The following C22orf23 variants were observed in gnomAD, a reference collection of about 807,000 sequenced individuals.
C22orf23 encodes UPF0193 protein EVG1.
A neutral mutation model predicts 29.7 loss-of-function variants in C22orf23; 30 were observed. The ratio of observed to expected loss-of-function variants is 1.01; its 90% confidence interval spans 0.76 to 1.37. The LOEUF is 1.37. C22orf23 is among the 40% of genes most tolerant of loss of function. The pLI is 0.00. For missense variants in C22orf23, 237 were observed against 273.1 expected (o/e 0.87, Z 0.93); for synonymous variants, 90 against 96.1 (o/e 0.94, Z 0.37).
Position 37,945,136 on chromosome 22 carries a change from GAT to G in C22orf23, c.385_386del (p.Ile129LeufsTer25), listed in dbSNP as rs753374508. ...LEKEKQRLQN[I>X]FATGKDMEER... The stretch of plus-strand genomic sequence containing the variant: ...CCTCCATGTCCTTCCCTGTGGCAAA[GAT>G]ATTTTGGAGTCTTTGTTTCTCCTTC... On this transcript the variant is annotated frameshift_variant, in exon 5 of 7. Transcript: ENST00000403305. LOFTEE classifies it high-confidence loss of function. 1 of 1,613,668 alleles carries G rather than the reference GAT, an allele frequency of 6.2e-7. No homozygotes were observed. Among genetic ancestry groups the G allele is most frequent in the Non-Finnish European group, 8.5e-7 (1 of 1,179,876 alleles).
Position 37,947,479 on chromosome 22 carries a change from T to C in C22orf23, c.167-16A>G, listed in dbSNP as rs1239555034. ...GCATCTCCTCCTGGGGAACGAAGAG[T>C]TGGGGTGGGAGGACCCACATGGCTT... On this transcript the variant is annotated splice_polypyrimidine_tract_variant and intron_variant, in intron 3 of 6. Coordinates refer to ENST00000403305, the MANE Select transcript of C22orf23 (RefSeq NM_032561.5). 15 of 1,496,676 alleles carry C rather than the reference T, an allele frequency of 1.0e-5. No homozygotes were observed. The highest frequency in any genetic ancestry group is 1.3e-5 in the Non-Finnish European group (15 of 1,124,632). 92.7% of individuals were successfully genotyped at this position (1,496,676 alleles called of 1,614,324 possible).
chr22:37,943,525 G>A lies in C22orf23; in HGVS notation c.*650C>T, dbSNP rs1930518704. On this transcript the variant is annotated 3_prime_UTR_variant, in exon 7 of 7. Coordinates refer to ENST00000403305, the MANE Select transcript of C22orf23 (RefSeq NM_032561.5). ...GACTTAGTTTTCACAGAGGGATAAT[G>A]AACCGTTGCAGAGGTTTATTGAGAT... The A allele has an allele frequency of 6.5e-6, 1 of 152,844 alleles. No individual in the cohort carries two copies. Among genetic ancestry groups the A allele is most frequent in the African/African-American group, 2.4e-5 (1 of 41,418 alleles). 9.5% of individuals were successfully genotyped at this position (152,844 alleles called of 1,614,324 possible).
chr22:37,945,494 CTTTTTTTTTT>C (rs369277812), intron 4 of C22orf23, among the ~76,000 whole-genome samples: 7 of 129,104 alleles, frequency 5.4e-5, no homozygotes, highest in Non-Finnish European at 1.0e-4. Context: ...TTTTTTTCTT[CTTTTTTTTTT>C]TTTTTTTTGA....
At chr22:37,951,357 T>G in intron 3 of C22orf23, 103 bp downstream of exon 3, 1 of 1,069,846 alleles carries the variant, frequency 9.3e-7, no homozygotes. Flanking sequence ...CCGGCTGTCT[T>G]TGTTTTTTTT....
At chr22:37,946,420 C>T (rs984885434) in intron 4 of C22orf23, among the ~76,000 whole-genome samples, 12 of 151,298 alleles carry the variant, frequency 7.9e-5, no homozygotes, top group South Asian at 6.3e-4. Flanking sequence ...CGCGAGACTC[C>T]GTCTCAAAAA....
rs1930620565 is a variant in C22orf23 at position 37,945,125 on chromosome 22, C to T, written c.398G>A (p.Gly133Glu). 2 of 1,613,758 alleles carry T rather than the reference C, an allele frequency of 1.2e-6. No homozygotes were observed. The highest frequency in any genetic ancestry group is 8.5e-7 in the Non-Finnish European group (1 of 1,179,900). ...KQRLQNIFATGKDMEERKRKA... is the reference protein window; with the variant it reads ...KQRLQNIFATEKDMEERKRKA... ...TCTTTTCCGTTCCTCCATGTCCTTC[C>T]CTGTGGCAAAGATATTTTGGAGTCT... is the stretch of plus-strand genomic sequence containing the variant. The change falls in exon 5 of 7, where the codon GGG (glycine) becomes GAG (glutamate). Residue 133 changes from glycine (G) to glutamate (E), a missense_variant. Gly to Glu is a moderately conservative substitution (Grantham distance 98). Transcript: ENST00000403305.
In C22orf23 at chr22:37,945,063, CAG is replaced by C. The variant is rs530569931; in HGVS notation, c.458_459del (p.Pro153ArgfsTer6). On this transcript the variant is annotated frameshift_variant, in exon 5 of 7. Transcript: ENST00000403305. LOFTEE classifies it high-confidence loss of function. ...APPARQKAPAPELDRFEELVK... is the reference protein window; with the variant it reads ...APPARQKAPAXELDRFEELVK... ...TTACGCTCTTCAAATCGGTCTAGCT[CAG>C]GGGCTGGAGCCTTCTGTCGTGCAGG... 122 of 1,612,208 alleles carry C rather than the reference CAG, an allele frequency of 7.6e-5. No homozygotes were observed. Among genetic ancestry groups the C allele is most frequent in the Middle Eastern group, 1.6e-4 (1 of 6,066 alleles).
Position 37,944,240 on chromosome 22 carries a change from G to A in C22orf23, c.589C>T (p.Arg197Trp), listed in dbSNP as rs771311730. Residue 197 changes from arginine to tryptophan, a missense_variant, in exon 7 of 7, where the codon CGG becomes TGG. Physicochemically the swap from Arg to Trp is moderately radical, Grantham distance 101. Transcript: ENST00000403305. ...IILAEISQKL[R>W]EMEDIDHRRS... Reference sequence around the variant, plus strand: ...CTGTGGTCAATGTCTTCCATTTCCCGGAGTTTCTGCAAAGGGCATCAGGGA... The same window carrying A: ...CTGTGGTCAATGTCTTCCATTTCCCAGAGTTTCTGCAAAGGGCATCAGGGA... The A allele has an allele frequency of 8.7e-6, 14 of 1,614,086 alleles. No homozygotes were observed. The highest frequency in any genetic ancestry group is 4.0e-5 in the African/African-American group (3 of 74,926).
chr22:37,944,176 T>TA lies in C22orf23; in HGVS notation c.652dup (p.Ter218LeufsTer10). 1 of 1,613,974 alleles carries TA rather than the reference T, an allele frequency of 6.2e-7. No homozygotes were observed. Among genetic ancestry groups the TA allele is most frequent in the Non-Finnish European group, 8.5e-7 (1 of 1,179,808 alleles). ...ACCCTGCCCGTCTCTGGAGACAGAT[T>TA]AAGTGGTGGCAAGACCCTTCCTAAG... On this transcript the variant is annotated frameshift_variant and stop_lost, in exon 7 of 7. Transcript: ENST00000403305. LOFTEE classifies it high-confidence loss of function.
chr22:37,948,199 A>G (rs1930817153), intron 3 of C22orf23, among the ~76,000 whole-genome samples: 1 of 152,174 alleles, frequency 6.6e-6, no homozygotes, highest in Non-Finnish European at 1.5e-5. Flanking sequence ...TGTAATCCCA[A>G]CACTTTGGGA....
At chr22:37,951,775 T>G (rs962729149) in intron 2 of C22orf23, 2 of 248,108 alleles carry the variant, frequency 8.1e-6, no homozygotes, top group Middle Eastern at 1.3e-3. Context: ...CTGCCCTCTG[T>G]TAAATATTTT....
intron 2 of C22orf23, chr22:37,952,608 T>C (rs2145717588): frequency 7.0e-6 from 1 of 143,070 alleles, no homozygotes; most frequent in South Asian, 2.4e-4. Flanking sequence ...AGGCTCCTTA[T>C]CTGTAAAGGA....
At chr22:37,947,217 C>A in intron 4 of C22orf23, 64 bp downstream of exon 4, 1 of 1,563,042 alleles carries the variant, frequency 6.4e-7, no homozygotes, top group Non-Finnish European at 8.8e-7. Context: ...GGGCTGCTTG[C>A]GTCCCTCTCC....
At chr22:37,944,623 G>A (rs932932001) in intron 5 of C22orf23, 106 bp from the exon 6 acceptor site, 9 of 998,114 alleles carry the variant, frequency 9.0e-6, no homozygotes, top group Admixed American at 2.2e-5. Flanking sequence ...TTTCTAGGCC[G>A]GGCGCGGTGG....
In C22orf23 at chr22:37,944,388, C is replaced by T. The variant is rs545156029; in HGVS notation, c.582+29G>A. 4.8e-5 allele frequency: 78 copies of T among 1,613,864 alleles called. 1 individual carries two copies. The South Asian group carries it at 8.5e-4, about 17-fold the overall frequency. On this transcript the variant is annotated intron_variant, in intron 6 of 6. Coordinates refer to ENST00000403305, the MANE Select transcript of C22orf23 (RefSeq NM_032561.5). ...TCGCACTTGGCGCTGGGCCCTTCCC[C>T]TCCCCACTTTCCTGGTTGTTTCTCC...
In C22orf23 at chr22:37,943,495, G is replaced by C. The variant is rs997167700; in HGVS notation, c.*680C>G. On this transcript the variant is annotated 3_prime_UTR_variant, in exon 7 of 7. Coordinates refer to ENST00000403305, the MANE Select transcript of C22orf23 (RefSeq NM_032561.5). The stretch of plus-strand genomic sequence containing the variant: ...TAAATGCCCTTGGTTGTGGTATCTT[G>C]TTGAGACTTAGTTTTCACAGAGGGA... The C allele has an allele frequency of 1.3e-5, 2 of 152,834 alleles. No homozygotes were observed. The highest frequency in any genetic ancestry group is 4.8e-5 in the African/African-American group (2 of 41,556). The allele number at this position is 152,834 out of a possible 1,614,324, so 9.5% of individuals were successfully genotyped here.
intron 4 of C22orf23, among the ~76,000 whole-genome samples, chr22:37,946,503 G>A (rs1383877325): frequency 2.0e-5 from 3 of 150,856 alleles, no homozygotes; most frequent in Non-Finnish European, 4.4e-5. Context: ...TTGAGCTCAG[G>A]AGTTCTGGCT....
rs535383121 is a variant in C22orf23 at position 37,946,113 on chromosome 22, G to A, written c.350-940C>T. 4.6e-3 allele frequency among the ~76,000 whole-genome samples: 693 copies of A among 152,130 alleles called. 5 individuals carry two copies. The highest frequency in any genetic ancestry group is 0.016 in the Admixed American group (249 of 15,270). ...CTCTACTAAAAATACAAAAAAATTAGCCCGGCGTGATGGCAGGTGCCTGTA... is the reference window on the plus strand; with the variant it reads ...CTCTACTAAAAATACAAAAAAATTAACCCGGCGTGATGGCAGGTGCCTGTA... On this transcript the variant is annotated intron_variant, in intron 4 of 6. Transcript: ENST00000403305.
intron 4 of C22orf23, among the ~76,000 whole-genome samples, chr22:37,946,192 G>A (rs898145070): frequency 6.6e-6 from 1 of 151,812 alleles, no homozygotes; most frequent in Admixed American, 6.6e-5. Context: ...CTGGGAGGTG[G>A]AGCTTGCAGT....
Sources: gnomAD v4.1 joint callset for allele counts (sites outside exome capture counted in the v4.1 genomes callset) on GRCh38, gnomAD v4.1.1 for gene constraint, MANE v1.5 for transcripts, NCBI Gene and HGNC (gene_info 2026-07-23, HGNC 2026-07-21) for gene names.